The following RAB3IL1 variants were observed in gnomAD, a reference collection of about 807,000 sequenced individuals.
RAB3IL1 encodes the protein RAB3A interacting protein like 1.
Under a neutral mutation model 49.2 loss-of-function variants are expected in RAB3IL1, and 37 were observed. The ratio of observed to expected loss-of-function variants is 0.75; its 90% CI spans 0.58 to 0.99. The LOEUF is 0.99. Ranked by LOEUF, RAB3IL1 falls within the 50% of genes least tolerant of loss-of-function variation. The probability of loss-of-function intolerance (pLI) is 0.00; values close to 1 mark genes in which losing one functional copy is unlikely to be tolerated. For synonymous variants in RAB3IL1, 193 were observed against 213.9 expected (o/e 0.90, Z 0.85); for missense variants, 484 against 513.0 (o/e 0.94, Z 0.55).
rs535220182 is a variant in RAB3IL1, at chr11:61,916,447, A to T, written c.11+910T>A. ...GATGAAAGGCCATCCCTCCCCTAGC[A>T]TCGCAGCTCAACCTTTGCTAGGTGC... On this transcript the variant is annotated intron_variant, in intron 1 of 9. Transcript: ENST00000394836. Among the ~76,000 whole-genome samples, 7 of 152,210 alleles carry T rather than the reference A, an allele frequency of 4.6e-5. No individual in the cohort carries two copies. In the East Asian group the frequency reaches 1.4e-3, roughly 29 times the overall value.
At chr11:61,940,675 C>A in the RAB3IL1 span, among the ~76,000 whole-genome samples, 1 of 151,802 alleles carries the variant, frequency 6.6e-6, no homozygotes, top group African/African-American at 2.4e-5. Flanking sequence ...GTAATCCCAG[C>A]ACTTCGGGAA....
rs1264443883 is a variant in RAB3IL1, at chr11:61,899,466, C to T, written c.1000-86G>A. ...GCGGATCTGAGTCCAGAGCAGGAGG[C>T]CCCAGGTCCCTGCAGAGCCAGGCAG... On this transcript the variant is annotated intron_variant, in intron 8 of 9. Coordinates refer to ENST00000394836, the MANE Select transcript of RAB3IL1 (RefSeq NM_013401.4). 12 of 1,336,526 alleles carry T rather than the reference C, an allele frequency of 9.0e-6. No individual in the cohort carries two copies. The East Asian group carries it at 1.5e-4, about 16-fold the overall frequency. The allele number at this position is 1,336,526 out of a possible 1,614,324, so 82.8% of individuals were successfully genotyped here.
the RAB3IL1 span, among the ~76,000 whole-genome samples, chr11:61,933,229 C>T: frequency 8.5e-5 from 13 of 152,066 alleles, no homozygotes; most frequent in Admixed American, 2.6e-4. Flanking sequence ...AGTTAAGGAC[C>T]GTGAGATGGG....
chr11:61,906,543 T>G lies in RAB3IL1; in HGVS notation c.580A>C (p.Ser194Arg). 6.3e-7 allele frequency: 1 copy of G among 1,575,028 alleles called. No homozygotes were observed. Among genetic ancestry groups the G allele is most frequent in the Non-Finnish European group, 8.6e-7 (1 of 1,160,972 alleles). Residue 194 changes from serine (S) to arginine (R), a missense_variant, in exon 5 of 10, where the codon AGC becomes CGC. Coordinates refer to ENST00000394836, the MANE Select transcript of RAB3IL1 (RefSeq NM_013401.4). The surrounding 1 kb of genome is among the most constrained non-coding windows in gnomAD (Gnocchi z 4.6). ...GPRKGHSRHK[S>R]TSSTLCPAVC... ...GCGGGGCAGAGGGTGCTGCTGGTGC[T>G]CTTGTGGCGAGAGTGGCCCTTTCGG... is the stretch of plus-strand genomic sequence containing the variant.
the RAB3IL1 span, chr11:61,945,886 A>G: frequency 2.2e-6 from 2 of 893,696 alleles, no homozygotes; most frequent in Non-Finnish European, 2.7e-6. Flanking sequence ...TTCCGTTGTC[A>G]TGGGCAGGAC....
intron 8 of RAB3IL1, 35 bp from the exon 9 acceptor site, chr11:61,899,415 G>C: frequency 6.3e-7 from 1 of 1,592,414 alleles, no homozygotes; most frequent in Non-Finnish European, 8.6e-7. Flanking sequence ...TGACCTGCCA[G>C]CCCCACGCTG....
chr11:61,904,414 T>G, intron 7 of RAB3IL1, 132 bp downstream of exon 7: 1 of 931,818 alleles, frequency 1.1e-6, no homozygotes, highest in African/African-American at 1.6e-5. Flanking sequence ...ACTGCCTCCT[T>G]GCCCTGTGGG....
chr11:61,899,304 G>T lies in RAB3IL1; in HGVS notation c.1066+10C>A. On this transcript the variant is annotated intron_variant, in intron 9 of 9. Transcript: ENST00000394836. ...TGCGATCCCTGCACCGGCCACCAGG[G>T]GGCGCTCACCGTCCTGCCGCACCAG... The T allele has an allele frequency of 6.2e-7, 1 of 1,603,472 alleles. No homozygotes were observed.
chr11:61,898,431 T>C lies in RAB3IL1; in HGVS notation c.1067-71A>G. ...ACCTCGGGCAGATGGCCAGGTCCCC[T>C]CCTGTGGCTTTGGACAGAGCAGCTG... On this transcript the variant is annotated intron_variant, in intron 9 of 9. Coordinates refer to ENST00000394836, the MANE Select transcript of RAB3IL1 (RefSeq NM_013401.4). This position sits in a 1 kb window ranked among gnomAD's most constrained non-coding sequence, Gnocchi z 5.1. 1.5e-6 allele frequency: 2 copies of C among 1,362,252 alleles called. No individual in the cohort carries two copies. The highest frequency in any genetic ancestry group is 2.1e-6 in the Non-Finnish European group (2 of 958,840). The allele number at this position is 1,362,252 out of a possible 1,614,324, so 84.4% of individuals were successfully genotyped here.
the RAB3IL1 span, among the ~76,000 whole-genome samples, chr11:61,944,019 TAA>T: frequency 6.6e-6 from 1 of 152,156 alleles, no homozygotes; most frequent in African/African-American, 2.4e-5. Flanking sequence ...GCAATAGTCT[TAA>T]ATCTCTCTTA....
intron 1 of RAB3IL1, among the ~76,000 whole-genome samples, chr11:61,910,892 C>G (rs1435029132): frequency 2.6e-5 from 4 of 152,234 alleles, no homozygotes; most frequent in Admixed American, 1.3e-4. Context: ...GGTGACAGCA[C>G]AGGACAGGAC....
chr11:61,904,257 G>A (rs568481316), intron 7 of RAB3IL1, among the ~76,000 whole-genome samples: 4 of 152,162 alleles, frequency 2.6e-5, no homozygotes, highest in South Asian at 2.1e-4. Flanking sequence ...CTACTGCGTC[G>A]TTATTTATTG....
At chr11:61,902,370 G>T in intron 8 of RAB3IL1, 72 bp downstream of exon 8, 2 of 1,289,144 alleles carry the variant, frequency 1.6e-6, no homozygotes, top group Non-Finnish European at 2.2e-6. Flanking sequence ...ATACTCCCAG[G>T]CCCAGGGCCC....
chr11:61,934,444 G>GTATGTATGTGTA, the RAB3IL1 span, among the ~76,000 whole-genome samples: 1 of 83,670 alleles, frequency 1.2e-5, no homozygotes. Context: ...GTGTGTGTGT[G>GTATGTATGTGTA]TGTATGTATA....
At chr11:61,944,356 C>A in the RAB3IL1 span, among the ~76,000 whole-genome samples, 1 of 151,964 alleles carries the variant, frequency 6.6e-6, no homozygotes, top group Non-Finnish European at 1.5e-5. Context: ...ACTGCAGCCT[C>A]AAACTCCTGG....
Position 61,897,987 on chromosome 11 carries a change from G to A in RAB3IL1, c.*291C>T. ...CAGGTGTCCCCTCCCAAGGGCTGAG[G>A]CCCCCCGAGTATGGATCCGAGCTCC... On this transcript the variant is annotated 3_prime_UTR_variant, in exon 10 of 10. Coordinates refer to ENST00000394836, the MANE Select transcript of RAB3IL1 (RefSeq NM_013401.4). 2.6e-6 allele frequency: 1 copy of A among 379,760 alleles called. No homozygotes were observed. The highest frequency in any genetic ancestry group is 3.2e-5 in the South Asian group (1 of 30,910). 23.5% of individuals were successfully genotyped at this position (379,760 alleles called of 1,614,324 possible). A position where few individuals can be genotyped will look rare whatever the true frequency, so the allele number is the denominator to read the frequency against.
At chr11:61,944,846 C>T in the RAB3IL1 span, among the ~76,000 whole-genome samples, 19 of 152,188 alleles carry the variant, frequency 1.2e-4, no homozygotes, top group African/African-American at 4.6e-4. Flanking sequence ...TACAGGCATG[C>T]GCCACCATGC....
At chr11:61,930,809 G>A in the RAB3IL1 span, among the ~76,000 whole-genome samples, 4 of 152,020 alleles carry the variant, frequency 2.6e-5, no homozygotes, top group African/African-American at 9.7e-5. Flanking sequence ...ACTTTAAGAC[G>A]AAAAACATTA....
At chr11:61,932,470 A>G in the RAB3IL1 span, among the ~76,000 whole-genome samples, 4 of 152,278 alleles carry the variant, frequency 2.6e-5, no homozygotes, top group African/African-American at 7.2e-5. Flanking sequence ...GTCTTCAAAA[A>G]TATCCATTTT....
Sources: gnomAD v4.1 joint callset for allele counts (sites outside exome capture counted in the v4.1 genomes callset) on GRCh38, gnomAD v4.1.1 for gene constraint, Gnocchi (gnomAD v3.1) non-coding constraint, MANE v1.5 for transcripts, NCBI Gene and HGNC (gene_info 2026-07-23, HGNC 2026-07-21) for gene names.